The following ADAMTS6 variants were observed in gnomAD, a reference collection of about 807,000 sequenced individuals.
ADAMTS6 encodes the protein A disintegrin and metalloproteinase with thrombospondin motifs 6.
Under a neutral mutation model 144.3 loss-of-function variants are expected in ADAMTS6, and 23 were observed. The ratio of observed to expected loss-of-function variants is 0.16; its 90% CI spans 0.11 to 0.23. The LOEUF (loss-of-function observed/expected upper bound fraction) is 0.23, where lower values mean the gene tolerates loss of function less well. Ranked by LOEUF, ADAMTS6 falls within the 10% of genes least tolerant of loss-of-function variation. The pLI, the probability that ADAMTS6 is intolerant of heterozygous loss-of-function variation, is 1.00. For synonymous variants in ADAMTS6, 444 were observed against 457.5 expected (o/e 0.97, Z 0.38); for missense variants, 999 against 1,379.6 (o/e 0.72, Z 4.37).
At chr5:65,476,266 C>A (rs945660162) in intron 1 of ADAMTS6, among the ~76,000 whole-genome samples, 9 of 152,288 alleles carry the variant, frequency 5.9e-5, no homozygotes, top group Non-Finnish European at 1.0e-4. Flanking sequence ...TCTGTAAAGA[C>A]CCTAGTCCTT....
At chr5:65,413,061 C>T (rs550763433) in intron 7 of ADAMTS6, among the ~76,000 whole-genome samples, 2 of 152,276 alleles carry the variant, frequency 1.3e-5, no homozygotes, top group Non-Finnish European at 2.9e-5. Context: ...ACTGCATTTA[C>T]TTCTCTGTAA....
At chr5:65,254,515 C>T (rs1374585194) in intron 14 of ADAMTS6, among the ~76,000 whole-genome samples, 1 of 152,078 alleles carries the variant, frequency 6.6e-6, no homozygotes, top group African/African-American at 2.4e-5. Flanking sequence ...TCAGTTGAGA[C>T]TGTTGAGTTA....
intron 7 of ADAMTS6, among the ~76,000 whole-genome samples, chr5:65,396,032 A>G (rs913419776): frequency 3.3e-5 from 5 of 152,202 alleles, no homozygotes; most frequent in African/African-American, 1.2e-4. Flanking sequence ...AATCACTAAC[A>G]TGGCACTTCA....
intron 22 of ADAMTS6, among the ~76,000 whole-genome samples, chr5:65,175,795 A>G (rs985650891): frequency 2.6e-5 from 4 of 152,074 alleles, no homozygotes; most frequent in African/African-American, 9.7e-5. Flanking sequence ...CTTAATTACC[A>G]TACAAAGGTC....
chr5:65,188,749 T>C (rs1332056089), intron 21 of ADAMTS6, among the ~76,000 whole-genome samples: 1 of 152,212 alleles, frequency 6.6e-6, no homozygotes, highest in Non-Finnish European at 1.5e-5. Flanking sequence ...TATGAACCAA[T>C]ACTAGCTGGC....
chr5:65,381,333 CA>C, intron 7 of ADAMTS6, among the ~76,000 whole-genome samples: 1 of 150,302 alleles, frequency 6.7e-6, no homozygotes, highest in Non-Finnish European at 1.5e-5. Context: ...TCTAGGTAAC[CA>C]AAGCAAAATG....
intron 10 of ADAMTS6, among the ~76,000 whole-genome samples, chr5:65,294,296 C>T (rs768265065): frequency 1.3e-5 from 2 of 152,082 alleles, no homozygotes; most frequent in East Asian, 3.9e-4. Flanking sequence ...CACAGCTAAC[C>T]GCAGCCTTGA....
At chr5:65,386,314 C>T (rs1752472846) in intron 7 of ADAMTS6, among the ~76,000 whole-genome samples, 1 of 151,832 alleles carries the variant, frequency 6.6e-6, no homozygotes, top group African/African-American at 2.4e-5. Context: ...TAAACACTCC[C>T]CTTTATTGGA....
intron 22 of ADAMTS6, among the ~76,000 whole-genome samples, chr5:65,177,485 T>A (rs1754050241): frequency 6.6e-6 from 1 of 152,122 alleles, no homozygotes. Context: ...CATTAGTAAA[T>A]TAGGACCATT....
intron 7 of ADAMTS6, among the ~76,000 whole-genome samples, chr5:65,441,076 T>C (rs1757824365): frequency 1.3e-5 from 2 of 152,102 alleles, no homozygotes; most frequent in African/African-American, 2.4e-5. Flanking sequence ...ACACATATAA[T>C]AAAGTTAGTA....
chr5:65,411,765 G>T (rs939260740), intron 7 of ADAMTS6, among the ~76,000 whole-genome samples: 11 of 152,166 alleles, frequency 7.2e-5, no homozygotes, highest in Non-Finnish European at 1.3e-4. Context: ...ATAATATTAT[G>T]TAGTAACATT....
chr5:65,247,284 C>T (rs2112521523), intron 14 of ADAMTS6, among the ~76,000 whole-genome samples: 1 of 152,258 alleles, frequency 6.6e-6, no homozygotes, highest in African/African-American at 2.4e-5. Context: ...AATAGTCTTC[C>T]AACTATCTTG....
intron 12 of ADAMTS6, among the ~76,000 whole-genome samples, chr5:65,264,992 A>T (rs1428657695): frequency 6.6e-6 from 1 of 152,098 alleles, no homozygotes; most frequent in African/African-American, 2.4e-5. Context: ...AACCAAATTC[A>T]TATTTGTTTC....
At chr5:65,339,590 G>C (rs922235789) in intron 7 of ADAMTS6, among the ~76,000 whole-genome samples, 2 of 148,418 alleles carry the variant, frequency 1.3e-5, no homozygotes, top group African/African-American at 5.0e-5. Context: ...ATATAATATA[G>C]ATAGACAATT....
At chr5:65,397,258 T>A (rs981900870) in intron 7 of ADAMTS6, among the ~76,000 whole-genome samples, 1 of 152,150 alleles carries the variant, frequency 6.6e-6, no homozygotes, top group African/African-American at 2.4e-5. Context: ...AATTTTATCT[T>A]ACCAAATTTT....
Position 65,295,141 on chromosome 5 carries a change from A to T in ADAMTS6, c.1371-3671T>A, listed in dbSNP as rs978521148. 3.3e-5 allele frequency among the ~76,000 whole-genome samples: 5 copies of T among 152,144 alleles called. No homozygotes were observed. In the East Asian group the frequency reaches 9.6e-4, roughly 29 times the overall value. On this transcript the variant is annotated intron_variant, in intron 10 of 24. Transcript: ENST00000381055. ...CTAATAAACATCTGGATTATTTCCA[A>T]TTTCTAAGAATTGCAAATTATGCTG...
chr5:65,180,330 A>C (rs1002358789), intron 22 of ADAMTS6, among the ~76,000 whole-genome samples: 5 of 152,206 alleles, frequency 3.3e-5, no homozygotes, highest in Non-Finnish European at 1.5e-5. Context: ...GGGATAACAC[A>C]ATTTTTTCAG....
At chr5:65,338,612 C>G (rs913851242) in intron 7 of ADAMTS6, among the ~76,000 whole-genome samples, 1 of 152,138 alleles carries the variant, frequency 6.6e-6, no homozygotes, top group Admixed American at 6.6e-5. Flanking sequence ...TGAGAAGCAG[C>G]CCCATGGGCT....
intron 7 of ADAMTS6, among the ~76,000 whole-genome samples, chr5:65,360,715 G>C (rs1032346089): frequency 6.6e-6 from 1 of 152,016 alleles, no homozygotes; most frequent in Non-Finnish European, 1.5e-5. Flanking sequence ...TCATTCACAC[G>C]GTGGGAATTG....
Sources: gnomAD v4.1 joint callset for allele counts (sites outside exome capture counted in the v4.1 genomes callset) on GRCh38, gnomAD v4.1.1 for gene constraint, MANE v1.5 for transcripts, NCBI Gene and HGNC (gene_info 2026-07-23, HGNC 2026-07-21) for gene names.